The following TRPC5 variants were observed in gnomAD, a reference collection of about 807,000 sequenced individuals.
TRPC5 encodes the protein short transient receptor potential channel 5.
TRPC5 carries 9 observed loss-of-function variants against 56.5 expected under a neutral mutation model. The observed-to-expected ratio is 0.16, with a 90% confidence interval of 0.10 to 0.28. The LOEUF (loss-of-function observed/expected upper bound fraction) is 0.28. TRPC5 is among the 10% of genes least tolerant of loss of function. TRPC5 has a pLI of 1.00. For missense variants in TRPC5, 469 were observed against 748.9 expected (o/e 0.63, Z 4.36); for synonymous variants, 282 against 278.5 (o/e 1.01, Z -0.13).
At chrX:111,948,473 T>G (rs1926985575) in intron 2 of TRPC5, among the ~76,000 whole-genome samples, 1 of 111,841 alleles carries the variant, frequency 8.9e-6, no homozygotes. Context: ...GGCTCATGCC[T>G]GTAATCCTAG....
At chrX:112,013,126 T>TTTG (rs202012786) in intron 1 of TRPC5, among the ~76,000 whole-genome samples, 4,744 of 99,952 alleles carry the variant, frequency 0.047, 82 homozygotes, top group African/African-American at 0.077. Flanking sequence ...TAGTGTAGAT[T>TTTG]TTGTTGTTGT....
At chrX:111,937,837 T>G (rs1310381515) in intron 2 of TRPC5, among the ~76,000 whole-genome samples, 2 of 106,868 alleles carry the variant, frequency 1.9e-5, no homozygotes, top group Admixed American at 1.0e-4. Context: ...GGGCTCTTTT[T>G]TGGTTCCATA....
rs1053426436 is a variant in TRPC5 at position 111,770,228 on chromosome X, T to G, written c.*6085A>C. Among the ~76,000 whole-genome samples, 4 of 111,865 alleles carry G rather than the reference T, an allele frequency of 3.6e-5. No individual in the cohort carries two copies. Among genetic ancestry groups the G allele is most frequent in the Non-Finnish European group, 7.5e-5 (4 of 53,114 alleles). On this transcript the variant is annotated 3_prime_UTR_variant, in exon 11 of 11. Coordinates refer to ENST00000262839, the MANE Select transcript of TRPC5 (RefSeq NM_012471.3). ...TGTTGTTTTGACAAACCCACTTTATTTCTTAGATAAAATTTGAAGGAAGTG... is the reference window on the plus strand; with the variant it reads ...TGTTGTTTTGACAAACCCACTTTATGTCTTAGATAAAATTTGAAGGAAGTG...
intron 1 of TRPC5, among the ~76,000 whole-genome samples, chrX:111,962,514 A>G (rs994158030): frequency 1.8e-5 from 2 of 112,362 alleles, no homozygotes; most frequent in African/African-American, 3.2e-5. Context: ...ATGTGACTGA[A>G]TTGCTGCAAT....
intron 2 of TRPC5, among the ~76,000 whole-genome samples, chrX:111,944,112 C>T (rs779065352): frequency 2.7e-5 from 3 of 111,260 alleles, no homozygotes; most frequent in Admixed American, 9.6e-5. Flanking sequence ...AGTTGAGCTA[C>T]AGAGAGATTC....
intron 1 of TRPC5, among the ~76,000 whole-genome samples, chrX:112,080,079 T>G (rs1930925789): frequency 8.9e-6 from 1 of 112,083 alleles, no homozygotes; most frequent in Admixed American, 9.4e-5. Context: ...TTACTATGGT[T>G]GCTTTAAAAA....
intron 7 of TRPC5, among the ~76,000 whole-genome samples, chrX:111,826,321 GA>G (rs1300895423): frequency 2.7e-5 from 3 of 112,177 alleles, no homozygotes; most frequent in Non-Finnish European, 5.6e-5. Context: ...ATCTCTTACA[GA>G]ATCTACCAGA....
At chrX:112,019,521 C>T (rs1434669957) in intron 1 of TRPC5, among the ~76,000 whole-genome samples, 1 of 110,478 alleles carries the variant, frequency 9.1e-6, no homozygotes, top group Non-Finnish European at 1.9e-5. Context: ...CTGCAAGCTC[C>T]GCCTCGCGGG....
In TRPC5 at chrX:111,816,424, G is replaced by T. The variant is rs770677387; in HGVS notation, c.1896+18497C>A. 9.8e-5 allele frequency among the ~76,000 whole-genome samples: 11 copies of T among 112,101 alleles called. No individual in the cohort carries two copies. The Admixed American group carries it at 1.0e-3, about 11-fold the overall frequency. ...CTCTCTGATTCCAAGGGATGTGGCA[G>T]GAAAAGTTGCAAGCAAATTGGTGAG... On this transcript the variant is annotated intron_variant, in intron 7 of 10. Transcript: ENST00000262839.
chrX:112,031,221 G>GAA (rs1423684873), intron 1 of TRPC5, among the ~76,000 whole-genome samples: 1 of 111,639 alleles, frequency 9.0e-6, no homozygotes, highest in Non-Finnish European at 1.9e-5. Context: ...TGAACACAAT[G>GAA]AACTATCTTC....
intron 7 of TRPC5, among the ~76,000 whole-genome samples, chrX:111,818,840 G>A (rs2148569158): frequency 9.0e-6 from 1 of 110,772 alleles, no homozygotes; most frequent in South Asian, 3.8e-4. Flanking sequence ...CTGACCTCAG[G>A]TGATCCACCC....
At chrX:111,884,464 A>G (rs1230177019) in intron 3 of TRPC5, among the ~76,000 whole-genome samples, 2 of 112,847 alleles carry the variant, frequency 1.8e-5, no homozygotes, top group African/African-American at 6.4e-5. Context: ...AAATATAGTT[A>G]AAGTGTAGCA....
intron 1 of TRPC5, among the ~76,000 whole-genome samples, chrX:112,025,829 TCTCA>T (rs1448443170): frequency 4.5e-5 from 5 of 111,177 alleles, no homozygotes; most frequent in Non-Finnish European, 7.5e-5. Context: ...ATACCCCCTT[TCTCA>T]CTCCCCATCC....
In TRPC5 at chrX:111,768,663, T is replaced by C. The variant is rs1485750052; in HGVS notation, c.*7650A>G. ...CAGCTTTACTTTTACTTTGTTAAGG[T>C]AGTAATTTGAACACTTAATTTTAAA... On this transcript the variant is annotated 3_prime_UTR_variant, in exon 11 of 11. Coordinates refer to ENST00000262839, the MANE Select transcript of TRPC5 (RefSeq NM_012471.3). Among the ~76,000 whole-genome samples, 3 of 112,102 alleles carry C rather than the reference T, an allele frequency of 2.7e-5. No individual in the cohort carries two copies. Among genetic ancestry groups the C allele is most frequent in the African/African-American group, 9.7e-5 (3 of 30,876 alleles).
chrX:112,078,079 TTGG>T (rs902451439), intron 1 of TRPC5, among the ~76,000 whole-genome samples: 2 of 111,755 alleles, frequency 1.8e-5, no homozygotes, highest in African/African-American at 6.5e-5. Flanking sequence ...TGCCTTGCTG[TTGG>T]TGGTGTGAGC....
At chrX:112,038,508 T>C (rs370221357) in intron 1 of TRPC5, among the ~76,000 whole-genome samples, 1 of 112,037 alleles carries the variant, frequency 8.9e-6, no homozygotes, top group East Asian at 2.8e-4. Flanking sequence ...TTTCTCTCCC[T>C]GTGCTGTAGG....
chrX:111,832,021 GA>G (rs1360197344), intron 7 of TRPC5, among the ~76,000 whole-genome samples: 4 of 111,422 alleles, frequency 3.6e-5, no homozygotes, highest in African/African-American at 1.3e-4. Flanking sequence ...GTAATAAGGA[GA>G]TTGAGGGAGA....
intron 1 of TRPC5, among the ~76,000 whole-genome samples, chrX:111,976,560 C>T (rs1927934479): frequency 9.0e-6 from 1 of 111,690 alleles, no homozygotes; most frequent in Non-Finnish European, 1.9e-5. Flanking sequence ...AAAACTTTTT[C>T]TATATGATCC....
chrX:111,951,759 A>G (rs1927092669), intron 2 of TRPC5, among the ~76,000 whole-genome samples: 1 of 111,982 alleles, frequency 8.9e-6, no homozygotes, highest in Non-Finnish European at 1.9e-5. Context: ...GAAAGTTAGA[A>G]GGGGCTTAAA....
Sources: gnomAD v4.1 joint callset for allele counts (sites outside exome capture counted in the v4.1 genomes callset) on GRCh38, gnomAD v4.1.1 for gene constraint, MANE v1.5 for transcripts, NCBI Gene and HGNC (gene_info 2026-07-23, HGNC 2026-07-21) for gene names.